The following AGBL4 variants were observed in gnomAD, a reference collection of about 807,000 sequenced individuals.
The protein encoded by AGBL4 is AGBL carboxypeptidase 4.
AGBL4 carries 58 observed loss-of-function variants against 66.4 expected under a neutral mutation model. The observed-to-expected ratio is 0.87, with a 90% CI of 0.71 to 1.09. The LOEUF is 1.09. AGBL4 is among the 50% of genes least tolerant of loss of function. AGBL4 has a pLI of 0.00. For synonymous variants in AGBL4, 234 were observed against 222.9 expected, an observed-to-expected ratio of 1.05 and a Z score of -0.44; for missense variants, 579 against 631.0, an observed-to-expected ratio of 0.92 and a Z score of 0.88.
intron 6 of AGBL4, among the ~76,000 whole-genome samples, chr1:48,710,390 A>AT (rs57665546): frequency 0.039 from 5,871 of 152,268 alleles, 336 homozygotes; most frequent in African/African-American, 0.12. Flanking sequence ...AGAAAAGCCT[A>AT]AAGGTGGGAA....
chr1:49,804,391 G>A (rs1264180578), intron 2 of AGBL4, among the ~76,000 whole-genome samples: 1 of 152,152 alleles, frequency 6.6e-6, no homozygotes, highest in African/African-American at 2.4e-5. Flanking sequence ...GACATCTCCA[G>A]TGTAAGCCAT....
intron 3 of AGBL4, among the ~76,000 whole-genome samples, chr1:49,410,388 A>G (rs1343353536): frequency 1.3e-5 from 2 of 152,212 alleles, no homozygotes; most frequent in African/African-American, 2.4e-5. Context: ...CATAGTTTTA[A>G]GTTCTGGAAT....
intron 4 of AGBL4, among the ~76,000 whole-genome samples, chr1:49,073,593 A>C (rs1644653202): frequency 6.6e-6 from 1 of 152,178 alleles, no homozygotes; most frequent in African/African-American, 2.4e-5. Context: ...GCAGAACAGC[A>C]AATATCACTG....
intron 3 of AGBL4, among the ~76,000 whole-genome samples, chr1:49,675,796 C>T (rs1204430889): frequency 6.6e-6 from 1 of 152,008 alleles, no homozygotes; most frequent in Non-Finnish European, 1.5e-5. Context: ...TTAAAGCCTC[C>T]TCCAGGGGGG....
intron 2 of AGBL4, chr1:49,846,372 C>T: frequency 6.5e-7 from 1 of 1,545,052 alleles, no homozygotes; most frequent in Non-Finnish European, 8.9e-7. Flanking sequence ...ACCTCCCTTA[C>T]CAAGCACCAG....
At chr1:49,412,582 T>A (rs575898644) in intron 3 of AGBL4, among the ~76,000 whole-genome samples, 1 of 152,114 alleles carries the variant, frequency 6.6e-6, no homozygotes, top group Non-Finnish European at 1.5e-5. Context: ...TGCTTTTATA[T>A]CACATTCTCC....
intron 6 of AGBL4, among the ~76,000 whole-genome samples, chr1:48,714,655 C>A (rs1270039077): frequency 6.6e-6 from 1 of 152,166 alleles, no homozygotes; most frequent in Non-Finnish European, 1.5e-5. Flanking sequence ...CCAATCTGAC[C>A]ATGCCGCTTC....
intron 3 of AGBL4, among the ~76,000 whole-genome samples, chr1:49,551,963 C>T (rs1217547069): frequency 6.6e-6 from 1 of 152,100 alleles, no homozygotes; most frequent in Non-Finnish European, 1.5e-5. Context: ...TTAGGTGGGT[C>T]CTGCTGCAGC....
At chr1:49,542,922 A>C (rs961822386) in intron 3 of AGBL4, among the ~76,000 whole-genome samples, 7 of 150,860 alleles carry the variant, frequency 4.6e-5, no homozygotes, top group Admixed American at 2.6e-4. Flanking sequence ...AAAAAAAAAA[A>C]AAACTCAACA....
intron 5 of AGBL4, among the ~76,000 whole-genome samples, chr1:49,036,184 A>G (rs1004972931): frequency 1.3e-5 from 2 of 152,126 alleles, no homozygotes; most frequent in Non-Finnish European, 1.5e-5. Context: ...TAAAAAGAGA[A>G]TATCAGATAA....
intron 5 of AGBL4, among the ~76,000 whole-genome samples, chr1:48,909,316 T>C (rs1557449952): frequency 6.6e-6 from 1 of 152,212 alleles, no homozygotes. Flanking sequence ...TTCATTTCAG[T>C]ACTCAATAAG....
At chr1:48,727,828 G>A (rs958587104) in intron 6 of AGBL4, 12 of 1,499,034 alleles carry the variant, frequency 8.0e-6, no homozygotes, top group South Asian at 3.7e-5. Flanking sequence ...CGGCACCATC[G>A]CTCGCAAATC....
At chr1:48,691,062 G>A (rs1190040571) in intron 6 of AGBL4, among the ~76,000 whole-genome samples, 4 of 151,230 alleles carry the variant, frequency 2.6e-5, no homozygotes, top group Non-Finnish European at 2.9e-5. Flanking sequence ...CTACTCCAGA[G>A]GCTGAGGCAG....
At chr1:48,996,857 G>A (rs574542284) in intron 5 of AGBL4, among the ~76,000 whole-genome samples, 1 of 56,270 alleles carries the variant, frequency 1.8e-5, no homozygotes, top group Non-Finnish European at 3.4e-5. Flanking sequence ...CTTCCTTCCT[G>A]TCTACTTATC....
chr1:48,531,421 C>T (rs562966147), downstream of AGBL4, among the ~76,000 whole-genome samples: 2 of 152,276 alleles, frequency 1.3e-5, no homozygotes, highest in South Asian at 2.1e-4. Context: ...GCTTCCAACC[C>T]AGCATCCCCC....
chr1:48,746,589 G>A (rs528073299), intron 6 of AGBL4, among the ~76,000 whole-genome samples: 3 of 152,320 alleles, frequency 2.0e-5, no homozygotes, highest in South Asian at 2.1e-4. Flanking sequence ...AAAGCTCTCC[G>A]CAACAGCCTC....
At chr1:49,028,378 A>G (rs778412653) in intron 5 of AGBL4, among the ~76,000 whole-genome samples, 1 of 152,190 alleles carries the variant, frequency 6.6e-6, no homozygotes, top group African/African-American at 2.4e-5. Flanking sequence ...ACAGGGTAAT[A>G]GCTTGATGTG....
intron 1 of AGBL4, among the ~76,000 whole-genome samples, chr1:49,855,352 C>T (rs1180732582): frequency 6.6e-6 from 1 of 152,164 alleles, no homozygotes; most frequent in Admixed American, 6.6e-5. Flanking sequence ...GCATTGGACA[C>T]ATCATATAGA....
chr1:48,650,013 C>G (rs1209089688), intron 8 of AGBL4, among the ~76,000 whole-genome samples: 1 of 152,264 alleles, frequency 6.6e-6, no homozygotes, highest in Non-Finnish European at 1.5e-5. Context: ...ATTTTCTCAA[C>G]CACTGACCTT....
Sources: gnomAD v4.1 joint callset for allele counts (sites outside exome capture counted in the v4.1 genomes callset) on GRCh38, gnomAD v4.1.1 for gene constraint, MANE v1.5 for transcripts, NCBI Gene and HGNC (gene_info 2026-07-23, HGNC 2026-07-21) for gene names.